The following FAT4 variants were observed in gnomAD, a reference collection of about 807,000 sequenced individuals.
FAT4 encodes protocadherin Fat 4.
Under a neutral mutation model 303.9 loss-of-function variants are expected in FAT4, and 84 were observed. The observed-to-expected ratio is 0.28, with a 90% confidence interval of 0.23 to 0.33. The LOEUF is 0.33. Ranked by LOEUF, FAT4 falls within the 10% of genes least tolerant of loss-of-function variation. FAT4 has a pLI of 1.00. For missense variants in FAT4, 6,005 were observed against 6,146.8 expected, an observed-to-expected ratio of 0.98 and a Z score of 0.77; for synonymous variants, 2,307 against 2,298.8, an observed-to-expected ratio of 1.00 and a Z score of -0.10.
Position 125,492,140 on chromosome 4 carries a change from A to G in FAT4, c.*372A>G, listed in dbSNP as rs1467666205. 1 of 178,010 alleles carries G rather than the reference A, an allele frequency of 5.6e-6. No individual in the cohort carries two copies. The highest frequency in any genetic ancestry group is 1.2e-5 in the Non-Finnish European group (1 of 83,340). 11.0% of individuals were successfully genotyped at this position (178,010 alleles called of 1,614,324 possible). A position where few individuals can be genotyped will look rare whatever the true frequency, so the allele number is the denominator to read the frequency against. On this transcript the variant is annotated 3_prime_UTR_variant, in exon 18 of 18. Coordinates refer to ENST00000394329, the MANE Select transcript of FAT4 (RefSeq NM_001291303.3). The stretch of plus-strand genomic sequence containing the variant: ...GTATGTGTATTGTTTCAACTGTATT[A>G]TTATAATTATATTTTGCATTGCAAG...
At chr4:125,479,172 T>G (rs936014881) in intron 14 of FAT4, among the ~76,000 whole-genome samples, 1 of 152,190 alleles carries the variant, frequency 6.6e-6, no homozygotes, top group Non-Finnish European at 1.5e-5. Flanking sequence ...ATTAATTCAC[T>G]GCCTAATCTA....
intron 2 of FAT4, among the ~76,000 whole-genome samples, chr4:125,395,142 T>C (rs1734117862): frequency 6.6e-6 from 1 of 152,108 alleles, no homozygotes; most frequent in Non-Finnish European, 1.5e-5. Flanking sequence ...TGAGTTCAGA[T>C]CTTCTCTCCT....
At chr4:125,416,337 T>C (rs2126028691) in intron 6 of FAT4, 111 bp from the exon 7 acceptor site, 1 of 939,538 alleles carries the variant, frequency 1.1e-6, no homozygotes, top group East Asian at 2.4e-5. Flanking sequence ...TAAAAATATA[T>C]CTTTGGAATC....
intron 10 of FAT4, among the ~76,000 whole-genome samples, chr4:125,456,463 T>G (rs1321289747): frequency 6.6e-6 from 1 of 152,198 alleles, no homozygotes; most frequent in Non-Finnish European, 1.5e-5. Context: ...GAATCTTACA[T>G]TTTTTAAATC....
intron 7 of FAT4, among the ~76,000 whole-genome samples, chr4:125,420,802 T>A (rs1478389482): frequency 1.3e-5 from 2 of 152,248 alleles, no homozygotes; most frequent in South Asian, 2.1e-4. Flanking sequence ...AATTCTGTTA[T>A]CTATTAGACG....
intron 2 of FAT4, among the ~76,000 whole-genome samples, chr4:125,326,783 T>C (rs1731172455): frequency 6.6e-6 from 1 of 152,180 alleles, no homozygotes; most frequent in Admixed American, 6.5e-5. Flanking sequence ...ACACCTTAAA[T>C]GGGAGGCCAA....
intron 10 of FAT4, among the ~76,000 whole-genome samples, chr4:125,457,705 T>C (rs1315093047): frequency 6.6e-6 from 1 of 152,010 alleles, no homozygotes; most frequent in African/African-American, 2.4e-5. Context: ...TTTATTATAG[T>C]ATAGGCCATG....
At chr4:125,479,916 TAAAATATA>T in intron 15 of FAT4, 51 bp downstream of exon 15, 1 of 1,414,398 alleles carries the variant, frequency 7.1e-7, no homozygotes, top group Non-Finnish European at 9.5e-7. Flanking sequence ...CTATGAAAAG[TAAAATATA>T]TGCACCCAAG....
intron 2 of FAT4, among the ~76,000 whole-genome samples, chr4:125,346,696 A>T (rs1732017069): frequency 6.6e-6 from 1 of 152,038 alleles, no homozygotes; most frequent in African/African-American, 2.4e-5. Context: ...CTTTCGGTTC[A>T]CAAGAATTCA....
chr4:125,411,210 T>A (rs1311850224), intron 5 of FAT4, among the ~76,000 whole-genome samples: 1 of 152,076 alleles, frequency 6.6e-6, no homozygotes, highest in Non-Finnish European at 1.5e-5. Flanking sequence ...CTATGGATTC[T>A]GTCAGAGTTT....
At position 125,317,980 on chromosome 4, in the gene FAT4, C is replaced by G. The variant is rs2125940402; in HGVS notation, c.1569C>G (p.Phe523Leu). 6.2e-7 allele frequency: 1 copy of G among 1,614,176 alleles called. No individual in the cohort carries two copies. The highest frequency in any genetic ancestry group is 8.5e-7 in the Non-Finnish European group (1 of 1,180,052). Residue 523 changes from phenylalanine to leucine, a missense_variant, in exon 2 of 18, where the codon TTC (phenylalanine) becomes TTG (leucine). Phe to Leu is a conservative substitution (Grantham distance 22, BLOSUM62 0). Coordinates refer to ENST00000394329, the MANE Select transcript of FAT4 (RefSeq NM_001291303.3). The surrounding 1 kb of genome is among the most constrained non-coding windows in gnomAD (Gnocchi z 7.0). Reference protein sequence around the residue: ...SIVSGNGLGWFHISEHSGLVT... With the variant: ...SIVSGNGLGWLHISEHSGLVT... ...TCTCTGGCAATGGACTGGGATGGTT[C>G]CATATCAGTGAACATAGCGGCCTCG... is the stretch of plus-strand genomic sequence containing the variant.
chr4:125,321,789 T>G (rs1236531009), intron 2 of FAT4, among the ~76,000 whole-genome samples: 3 of 152,224 alleles, frequency 2.0e-5, no homozygotes, highest in Non-Finnish European at 2.9e-5. Context: ...ACAACAAACT[T>G]TCTTTTCACT....
At chr4:125,373,629 T>C (rs899654580) in intron 2 of FAT4, among the ~76,000 whole-genome samples, 3 of 152,232 alleles carry the variant, frequency 2.0e-5, no homozygotes, top group Non-Finnish European at 4.4e-5. Flanking sequence ...AACACTGTGC[T>C]GGCCACTATT....
intron 15 of FAT4, among the ~76,000 whole-genome samples, chr4:125,480,917 C>T (rs1185938799): frequency 6.6e-6 from 1 of 151,858 alleles, no homozygotes; most frequent in African/African-American, 2.4e-5. Context: ...AATATTCTTT[C>T]TTTAGCTATA....
Position 125,491,278 on chromosome 4 carries a change from G to A in FAT4, c.14462G>A (p.Cys4821Tyr), listed in dbSNP as rs889999062. 21 of 1,614,032 alleles carry A rather than the reference G, an allele frequency of 1.3e-5. No homozygotes were observed. Among genetic ancestry groups the A allele is most frequent in the Admixed American group, 1.7e-5 (1 of 60,008 alleles). ...GGGAGGTCTTCTTCAGAGGAGGACTGCAGAAGGCCACTGTCTAGAACAAGG... is the reference window on the plus strand; with the variant it reads ...GGGAGGTCTTCTTCAGAGGAGGACTACAGAAGGCCACTGTCTAGAACAAGG... ...DHGRSSSEED[C>Y]RRPLSRTRNP... is the part of the protein sequence containing the mutation. The change falls in exon 18 of 18, where the codon TGC becomes TAC. Residue 4821 changes from cysteine (C) to tyrosine (Y), a missense_variant. Physicochemically the swap from Cys to Tyr is radical, Grantham distance 194 (BLOSUM62 -2). Coordinates refer to ENST00000394329, the MANE Select transcript of FAT4 (RefSeq NM_001291303.3).
chr4:125,320,546 G>A lies in FAT4; in HGVS notation c.4135G>A (p.Asp1379Asn). The stretch of plus-strand genomic sequence containing the variant: ...GAGTATTTTTCTTGCCAAAAAACTG[G>A]ACTTTGAAACACAGTCTTTGTATAA... The part of the protein sequence containing the change: ...TGSIFLAKKL[D>N]FETQSLYKLN... Residue 1379 changes from aspartate (D) to asparagine (N), a missense_variant, in exon 2 of 18, where the codon GAC becomes AAC. Physicochemically the swap from Asp to Asn is conservative, Grantham distance 23. Coordinates refer to ENST00000394329, the MANE Select transcript of FAT4 (RefSeq NM_001291303.3). 6.2e-7 allele frequency: 1 copy of A among 1,613,974 alleles called. No homozygotes were observed. The highest frequency in any genetic ancestry group is 8.5e-7 in the Non-Finnish European group (1 of 1,179,904).
intron 7 of FAT4, among the ~76,000 whole-genome samples, chr4:125,429,879 A>G (rs1292448295): frequency 2.6e-5 from 4 of 152,184 alleles, no homozygotes. Context: ...TGGACGGAAG[A>G]TAAAGTAATA....
intron 2 of FAT4, among the ~76,000 whole-genome samples, chr4:125,391,746 T>C (rs190886139): frequency 7.2e-5 from 11 of 152,352 alleles, no homozygotes; most frequent in Admixed American, 2.0e-4. Context: ...AAATTATATA[T>C]GATAGCATGT....
rs1005293582 is a variant in FAT4, at chr4:125,492,554, C to T, written c.*786C>T. On this transcript the variant is annotated 3_prime_UTR_variant, in exon 18 of 18. Transcript: ENST00000394329. ...TAAAAGTTATTTATTGAAAATTTTT[C>T]GTATGCTTTTAATATTTTAAAGAAT... 3 of 152,286 alleles carry T rather than the reference C, an allele frequency of 2.0e-5. No homozygotes were observed. The highest frequency in any genetic ancestry group is 2.1e-4 in the South Asian group (1 of 4,832). The allele number at this position is 152,286 out of a possible 1,614,324, so 9.4% of individuals were successfully genotyped here. A position where few individuals can be genotyped will look rare whatever the true frequency, so the allele number is the denominator to read the frequency against.
Sources: allele counts gnomAD v4.1 joint callset (sites outside exome capture counted in the v4.1 genomes callset), GRCh38; gene constraint gnomAD v4.1.1; non-coding constraint Gnocchi (gnomAD v3.1); transcripts MANE v1.5; gene names NCBI Gene and HGNC (gene_info 2026-07-23, HGNC 2026-07-21).